SNX29: variants seen among roughly 807,000 people sequenced by gnomAD.
SNX29 encodes sorting nexin-29.
Under a neutral mutation model 102.1 loss-of-function variants are expected in SNX29, and 78 were observed. The observed-to-expected ratio is 0.76, with a 90% CI of 0.64 to 0.92. SNX29 has a LOEUF of 0.92. Ranked by LOEUF, SNX29 falls within the 40% of genes least tolerant of loss-of-function variation. SNX29 has a pLI of 0.00. For missense variants in SNX29, 1,280 were observed against 1,061.7 expected (o/e 1.21, Z -2.86); for synonymous variants, 580 against 414.5 (o/e 1.40, Z -4.85).
At chr16:12,347,336 G>C (rs1369464992) in intron 15 of SNX29, among the ~76,000 whole-genome samples, 1 of 152,128 alleles carries the variant, frequency 6.6e-6, no homozygotes, top group Non-Finnish European at 1.5e-5. Context: ...AGAGCACCTG[G>C]CTCATCAGGG....
At chr16:12,552,544 C>G (rs2141361615) in intron 20 of SNX29, among the ~76,000 whole-genome samples, 1 of 152,316 alleles carries the variant, frequency 6.6e-6, no homozygotes, top group African/African-American at 2.4e-5. Context: ...GTGATGTCCC[C>G]AGCACTGGCA....
intron 15 of SNX29, among the ~76,000 whole-genome samples, chr16:12,298,828 T>C (rs895447779): frequency 6.6e-6 from 1 of 152,130 alleles, no homozygotes; most frequent in African/African-American, 2.4e-5. Flanking sequence ...CTTTCACATG[T>C]GGCGTGATTC....
At chr16:12,546,588 C>T (rs1490282165) in intron 20 of SNX29, 2 of 152,140 alleles carry the variant, frequency 1.3e-5, no homozygotes, top group Non-Finnish European at 2.9e-5. Flanking sequence ...TGTCCCCACC[C>T]AAGGATAATA....
intron 20 of SNX29, among the ~76,000 whole-genome samples, chr16:12,555,408 G>A (rs556020031): frequency 6.6e-6 from 1 of 152,092 alleles, no homozygotes; most frequent in African/African-American, 2.4e-5. Flanking sequence ...CTGGGCTGCT[G>A]GCCCCTCAGG....
chr16:12,108,348 C>T (rs945948318), intron 11 of SNX29, among the ~76,000 whole-genome samples: 3 of 152,158 alleles, frequency 2.0e-5, no homozygotes, highest in African/African-American at 7.2e-5. Flanking sequence ...CAGGGGGAGA[C>T]TCCATGATGG....
At chr16:12,566,127 C>T (rs1048906303) in intron 20 of SNX29, among the ~76,000 whole-genome samples, 2 of 152,240 alleles carry the variant, frequency 1.3e-5, no homozygotes, top group African/African-American at 2.4e-5. Context: ...GTCCAAGGCT[C>T]AGAGGGCAGG....
intron 18 of SNX29, among the ~76,000 whole-genome samples, chr16:12,432,390 G>C (rs2085349624): frequency 6.6e-6 from 1 of 152,194 alleles, no homozygotes; most frequent in African/African-American, 2.4e-5. Context: ...TGATGAGTAA[G>C]GGGCACACAC....
At chr16:12,092,981 G>A (rs2052620751) in intron 11 of SNX29, among the ~76,000 whole-genome samples, 1 of 152,196 alleles carries the variant, frequency 6.6e-6, no homozygotes, top group Non-Finnish European at 1.5e-5. Flanking sequence ...TGTGGGAAGA[G>A]GGCTGGAAAG....
At chr16:12,399,778 G>C (rs971453868) in intron 17 of SNX29, among the ~76,000 whole-genome samples, 2 of 152,118 alleles carry the variant, frequency 1.3e-5, no homozygotes, top group Non-Finnish European at 2.9e-5. Flanking sequence ...GGCTGAGGTG[G>C]GTGAGAGGTG....
rs567769187 is a variant in SNX29, at chr16:12,259,201, C to T, written c.1679-18732C>T. On this transcript the variant is annotated intron_variant, in intron 14 of 20. Transcript: ENST00000566228. ...GCCTCTGGTTTGTCATTTATTATAT[C>T]GTTCCGATTTGTCAAGGTCTCCTTC... is the stretch of plus-strand genomic sequence containing the variant. Among the ~76,000 whole-genome samples, 9 of 152,284 alleles carry T rather than the reference C, an allele frequency of 5.9e-5. No homozygotes were observed. In the South Asian group the frequency reaches 1.9e-3, roughly 32 times the overall value.
intron 20 of SNX29, chr16:12,557,574 C>T (rs973963429): frequency 2.0e-5 from 3 of 152,166 alleles, no homozygotes; most frequent in African/African-American, 7.2e-5. Flanking sequence ...GTTGGCTAGG[C>T]TGATCTTGAA....
At chr16:12,525,222 A>T (rs984997707) in intron 20 of SNX29, among the ~76,000 whole-genome samples, 5 of 152,168 alleles carry the variant, frequency 3.3e-5, no homozygotes, top group Non-Finnish European at 5.9e-5. Context: ...ACCCAAGGAA[A>T]GTTCTCCCAG....
chr16:12,021,031 C>G (rs2057003919), intron 3 of SNX29, among the ~76,000 whole-genome samples: 1 of 152,222 alleles, frequency 6.6e-6, no homozygotes, highest in Non-Finnish European at 1.5e-5. Flanking sequence ...GTACAGCAGA[C>G]TCCATTCCAG....
At chr16:12,442,833 G>T (rs532102524) in intron 18 of SNX29, among the ~76,000 whole-genome samples, 14 of 152,002 alleles carry the variant, frequency 9.2e-5, no homozygotes, top group Admixed American at 7.2e-4. Flanking sequence ...GGCTCAAGCC[G>T]TCCTCCCATC....
At chr16:12,271,053 A>G (rs1303556908) in intron 14 of SNX29, among the ~76,000 whole-genome samples, 1 of 152,156 alleles carries the variant, frequency 6.6e-6, no homozygotes, top group Non-Finnish European at 1.5e-5. Context: ...AAATCAATCA[A>G]TAAATAAAGT....
At position 12,069,134 on chromosome 16, in the gene SNX29, T is replaced by A. The variant is rs770003909; in HGVS notation, c.1319+2T>A. 1 of 1,610,206 alleles carries A rather than the reference T, an allele frequency of 6.2e-7. No homozygotes were observed. The highest frequency in any genetic ancestry group is 8.5e-7 in the Non-Finnish European group (1 of 1,177,594). ...CCCAGATCCTGGACTTCGGTACAGG[T>A]TAATATTGAGAAACCCAGTTGCCTG... is the stretch of plus-strand genomic sequence containing the variant. On this transcript the variant is annotated splice_donor_variant, in intron 10 of 20. Transcript: ENST00000566228. LOFTEE classifies it high-confidence loss of function.
At chr16:12,424,005 C>A (rs1003802082) in intron 18 of SNX29, among the ~76,000 whole-genome samples, 10 of 152,196 alleles carry the variant, frequency 6.6e-5, no homozygotes, top group Admixed American at 2.0e-4. Flanking sequence ...AAGTGAAGTT[C>A]TAAGCATATT....
chr16:12,539,512 A>C lies in SNX29; in HGVS notation c.2318+14671A>C, dbSNP rs149168392. 3.5e-3 allele frequency among the ~76,000 whole-genome samples: 536 copies of C among 152,348 alleles called. 4 individuals are homozygous for C. The highest frequency in any genetic ancestry group is 0.012 in the African/African-American group (496 of 41,576). The stretch of plus-strand genomic sequence containing the variant: ...AAAGGAATAAAGTTGCGTTGGTTCC[A>C]GTTGTTGGCAATTTTGAATAGAGCT... On this transcript the variant is annotated intron_variant, in intron 20 of 20. Transcript: ENST00000566228.
chr16:12,432,186 T>G lies in SNX29; in HGVS notation c.2037+28657T>G, dbSNP rs555658549. Among the ~76,000 whole-genome samples, 6 of 152,378 alleles carry G rather than the reference T, an allele frequency of 3.9e-5. No individual in the cohort carries two copies. The South Asian group carries it at 1.2e-3, about 32-fold the overall frequency. On this transcript the variant is annotated intron_variant, in intron 18 of 20. Transcript: ENST00000566228. ...TTTTCTTCATTGATTGGGGCAGGAA[T>G]AGTCCTTGGGCTTTTTGGCAGCCCA...
Sources: allele counts gnomAD v4.1 joint callset (sites outside exome capture counted in the v4.1 genomes callset), GRCh38; gene constraint gnomAD v4.1.1; transcripts MANE v1.5; gene names NCBI Gene and HGNC (gene_info 2026-07-23, HGNC 2026-07-21).